The following VDR variants were observed in gnomAD, a reference collection of about 807,000 sequenced individuals.
The protein encoded by VDR is vitamin D3 receptor.
VDR carries 19 observed loss-of-function variants against 39.7 expected under a neutral mutation model. The observed-to-expected ratio is 0.48, with a 90% CI of 0.33 to 0.70. The LOEUF (loss-of-function observed/expected upper bound fraction) is 0.70, where lower values mean the gene tolerates loss of function less well. Among genes scored for constraint, VDR ranks in the 30% least tolerant of loss-of-function variants. The probability of loss-of-function intolerance (pLI) is 0.02; values close to 1 mark genes in which losing one functional copy is unlikely to be tolerated. For synonymous variants in VDR, 242 were observed against 215.8 expected (o/e 1.12, Z -1.07); for missense variants, 442 against 570.5 (o/e 0.77, Z 2.29).
At chr12:47,903,701 C>A (rs1946611870) in intron 1 of VDR, among the ~76,000 whole-genome samples, 1 of 152,180 alleles carries the variant, frequency 6.6e-6, no homozygotes, top group Non-Finnish European at 1.5e-5. Flanking sequence ...TTGCTCACCC[C>A]CTTCACTAGC....
At chr12:47,894,803 C>G (rs908279748) in intron 1 of VDR, among the ~76,000 whole-genome samples, 2 of 152,224 alleles carry the variant, frequency 1.3e-5, no homozygotes, top group African/African-American at 4.8e-5. Flanking sequence ...CATGTCCACT[C>G]CCTTACTCTT....
At chr12:47,854,932 C>A (rs1423174307) in intron 7 of VDR, among the ~76,000 whole-genome samples, 1 of 152,264 alleles carries the variant, frequency 6.6e-6, no homozygotes, top group African/African-American at 2.4e-5. Context: ...GTGGCTCATG[C>A]CCGTAATCCC....
At chr12:47,845,077 C>T in intron 9 of VDR, 72 bp from the exon 10 acceptor site, 1 of 1,595,418 alleles carries the variant, frequency 6.3e-7, no homozygotes, top group Admixed American at 1.7e-5. Context: ...ATCCCACCAC[C>T]CCCCACCCAC....
chr12:47,879,364 T>C (rs1439083401), intron 2 of VDR, among the ~76,000 whole-genome samples: 1 of 152,230 alleles, frequency 6.6e-6, no homozygotes, highest in Non-Finnish European at 1.5e-5. Flanking sequence ...TTTCAGATGT[T>C]GCATCTGTCA....
intron 3 of VDR, among the ~76,000 whole-genome samples, chr12:47,877,691 G>A (rs1386012087): frequency 6.6e-6 from 1 of 152,234 alleles, no homozygotes; most frequent in East Asian, 1.9e-4. Flanking sequence ...GTGTCACCTG[G>A]GACACACAAC....
At chr12:47,882,624 C>CCCCCGGGG in intron 2 of VDR, 70 bp downstream of exon 2, 2 of 422,404 alleles carry the variant, frequency 4.7e-6, no homozygotes, top group Non-Finnish European at 8.6e-6. Context: ...CCTTCTTATG[C>CCCCCGGGG]CCCTCCCCCC....
At chr12:47,855,114 G>C (rs1313371501) in intron 7 of VDR, among the ~76,000 whole-genome samples, 6 of 152,202 alleles carry the variant, frequency 3.9e-5, no homozygotes, top group Non-Finnish European at 7.3e-5. Flanking sequence ...TGGATCACGA[G>C]GTCAGGTGAT....
intron 3 of VDR, among the ~76,000 whole-genome samples, chr12:47,867,430 T>C (rs543794264): frequency 6.9e-5 from 10 of 144,926 alleles, no homozygotes; most frequent in Middle Eastern, 3.6e-3. Context: ...TGTGTGTGTG[T>C]GCACAAGTGT....
chr12:47,891,513 C>T (rs1946368122), intron 1 of VDR, among the ~76,000 whole-genome samples: 1 of 150,328 alleles, frequency 6.7e-6, no homozygotes, highest in South Asian at 2.1e-4. Flanking sequence ...CAGAAAGCCA[C>T]AATTTTGCTG....
chr12:47,885,039 C>T (rs1329300544), intron 1 of VDR, among the ~76,000 whole-genome samples: 1 of 152,212 alleles, frequency 6.6e-6, no homozygotes, highest in African/African-American at 2.4e-5. Flanking sequence ...GGAAAAACTG[C>T]TTAATACCTG....
Position 47,844,365 on chromosome 12 carries a change from C to A in VDR, c.*381G>T. ...GCGGGGCCTGCAGTGGGGGGAGGTG[C>A]AGGTGTCTCTGTCCCTGAGGAATGG... On this transcript the variant is annotated 3_prime_UTR_variant, in exon 10 of 10. Transcript: ENST00000549336. The A allele has an allele frequency of 2.7e-6, 1 of 375,528 alleles. No homozygotes were observed. The highest frequency in any genetic ancestry group is 2.9e-5 in the South Asian group (1 of 34,258). The allele number at this position is 375,528 out of a possible 1,614,324, so 23.3% of individuals were successfully genotyped here.
At chr12:47,883,113 G>A (rs570931571) in intron 1 of VDR, among the ~76,000 whole-genome samples, 1 of 152,292 alleles carries the variant, frequency 6.6e-6, no homozygotes, top group East Asian at 1.9e-4. Context: ...AGGGAGGAAG[G>A]GCCTTTTCGT....
intron 1 of VDR, among the ~76,000 whole-genome samples, chr12:47,902,539 G>C (rs888324564): frequency 6.6e-6 from 1 of 152,200 alleles, no homozygotes; most frequent in Non-Finnish European, 1.5e-5. Context: ...ATCAAATCTG[G>C]TCAATTCCTT....
At chr12:47,899,301 G>GT (rs1474078347) in intron 1 of VDR, among the ~76,000 whole-genome samples, 1 of 152,148 alleles carries the variant, frequency 6.6e-6, no homozygotes, top group African/African-American at 2.4e-5. Flanking sequence ...GTCTTGACTA[G>GT]TACCTGGCAC....
chr12:47,864,591 C>T (rs1388910685), intron 4 of VDR, among the ~76,000 whole-genome samples: 5 of 152,244 alleles, frequency 3.3e-5, no homozygotes, highest in Non-Finnish European at 7.3e-5. Flanking sequence ...CCCCATCACT[C>T]CTGCCCTTCC....
At chr12:47,889,107 C>T (rs1197714391) in intron 1 of VDR, among the ~76,000 whole-genome samples, 2 of 151,996 alleles carry the variant, frequency 1.3e-5, no homozygotes, top group Admixed American at 1.3e-4. Flanking sequence ...GAAGTATACT[C>T]CCTTACTGCG....
intron 3 of VDR, 113 bp from the exon 4 acceptor site, chr12:47,865,290 C>T (rs1565618616): frequency 6.6e-7 from 1 of 1,520,836 alleles, no homozygotes; most frequent in Non-Finnish European, 9.0e-7. Flanking sequence ...CAACAGAAGA[C>T]ATGAGGCCCA....
intron 1 of VDR, 71 bp downstream of exon 1, chr12:47,904,884 C>A: frequency 3.2e-6 from 1 of 315,554 alleles, no homozygotes; most frequent in Non-Finnish European, 5.9e-6. Context: ...GCTCAGGCCC[C>A]GGTATCCCAG....
intron 7 of VDR, among the ~76,000 whole-genome samples, chr12:47,855,338 A>AT (rs1328816397): frequency 2.1e-5 from 3 of 145,742 alleles, no homozygotes; most frequent in African/African-American, 7.8e-5. Context: ...GAAAAAAAAT[A>AT]AAAATAAATA....
Sources: allele counts gnomAD v4.1 joint callset (sites outside exome capture counted in the v4.1 genomes callset), GRCh38; gene constraint gnomAD v4.1.1; transcripts MANE v1.5; gene names NCBI Gene and HGNC (gene_info 2026-07-23, HGNC 2026-07-21).